LCP1: variants seen among roughly 807,000 people sequenced by gnomAD.
The protein encoded by LCP1 is lymphocyte cytosolic protein 1, also known as plastin-2.
LCP1 carries 23 observed loss-of-function variants against 72.0 expected under a neutral mutation model. The ratio of observed to expected loss-of-function variants is 0.32; its 90% CI spans 0.23 to 0.45. The LOEUF (loss-of-function observed/expected upper bound fraction) is 0.45. Among genes scored for constraint, LCP1 ranks in the 20% least tolerant of loss-of-function variants. The pLI, the probability that LCP1 is intolerant of heterozygous loss-of-function variation, is 1.00. For missense variants in LCP1, 571 were observed against 748.3 expected, an observed-to-expected ratio of 0.76 and a Z score of 2.76; for synonymous variants, 245 against 275.4, an observed-to-expected ratio of 0.89 and a Z score of 1.09.
intron 1 of LCP1, among the ~76,000 whole-genome samples, chr13:46,162,698 T>C (rs1394757427): frequency 6.6e-6 from 1 of 152,124 alleles, no homozygotes; most frequent in Non-Finnish European, 1.5e-5. Context: ...AGTGCCGAGA[T>C]TGCAGCCTCT....
At position 46,127,276 on chromosome 13, in the gene LCP1, G is replaced by T; in HGVS notation, c.*315C>A. On this transcript the variant is annotated 3_prime_UTR_variant, in exon 16 of 16. Coordinates refer to ENST00000323076, the MANE Select transcript of LCP1 (RefSeq NM_002298.5). Reference sequence around the variant, plus strand: ...AGATTATATCAAAATTAATACCACTGCAGCTTCTATCCTTGGCTAATGGCA... The same window carrying T: ...AGATTATATCAAAATTAATACCACTTCAGCTTCTATCCTTGGCTAATGGCA... 3.4e-6 allele frequency: 1 copy of T among 293,846 alleles called. No homozygotes were observed. Among genetic ancestry groups the T allele is most frequent in the Non-Finnish European group, 6.4e-6 (1 of 156,902 alleles). 18.2% of individuals were successfully genotyped at this position (293,846 alleles called of 1,614,324 possible).
chr13:46,152,154 C>A (rs994268404), intron 7 of LCP1, among the ~76,000 whole-genome samples: 1 of 152,088 alleles, frequency 6.6e-6, no homozygotes, highest in African/African-American at 2.4e-5. Context: ...CATATCGTTA[C>A]CTTTCTTTTT....
At chr13:46,181,733 CA>C (rs2045956890) in intron 1 of LCP1, among the ~76,000 whole-genome samples, 2 of 152,206 alleles carry the variant, frequency 1.3e-5, no homozygotes, top group African/African-American at 2.4e-5. Flanking sequence ...TCTAAATTAT[CA>C]ATACGCGCTT....
chr13:46,174,135 A>G (rs2045916793), intron 1 of LCP1, among the ~76,000 whole-genome samples: 1 of 152,240 alleles, frequency 6.6e-6, no homozygotes, highest in Non-Finnish European at 1.5e-5. Context: ...ACAAGCAATG[A>G]TAACAGAAAC....
chr13:46,134,393 CAT>C, intron 13 of LCP1, 143 bp from the exon 14 acceptor site: 1 of 654,390 alleles, frequency 1.5e-6, no homozygotes, highest in Non-Finnish European at 2.5e-6. Context: ...AAAAAAAGAA[CAT>C]ATTACAACAT....
intron 7 of LCP1, 118 bp from the exon 8 acceptor site, chr13:46,151,196 G>A (rs1299542791): frequency 7.4e-6 from 7 of 950,594 alleles, no homozygotes; most frequent in Non-Finnish European, 9.1e-6. Context: ...ACCTCTTTGG[G>A]GTAAAGGTTC....
At chr13:46,133,310 A>G (rs2045644508) in intron 14 of LCP1, among the ~76,000 whole-genome samples, 1 of 152,310 alleles carries the variant, frequency 6.6e-6, no homozygotes, top group East Asian at 1.9e-4. Flanking sequence ...GGAACTAAGC[A>G]CTGAGTACAC....
At chr13:46,160,564 TG>T (rs1190878294) in intron 1 of LCP1, among the ~76,000 whole-genome samples, 1 of 152,220 alleles carries the variant, frequency 6.6e-6, no homozygotes, top group Non-Finnish European at 1.5e-5. Flanking sequence ...AATTCAGCTA[TG>T]GGAATCTGAG....
intron 1 of LCP1, among the ~76,000 whole-genome samples, chr13:46,162,693 C>T (rs373097858): frequency 6.6e-5 from 10 of 152,110 alleles, no homozygotes; most frequent in Non-Finnish European, 1.3e-4. Flanking sequence ...CCCAAAGTGC[C>T]GAGATTGCAG....
At chr13:46,146,648 G>A (rs1245247720) in intron 10 of LCP1, among the ~76,000 whole-genome samples, 1 of 152,170 alleles carries the variant, frequency 6.6e-6, no homozygotes, top group Non-Finnish European at 1.5e-5. Flanking sequence ...ATAACTAAAT[G>A]CATTATCTTT....
intron 1 of LCP1, 103 bp from the exon 2 acceptor site, chr13:46,159,789 T>A: frequency 1.4e-6 from 1 of 692,914 alleles, no homozygotes; most frequent in Admixed American, 2.5e-5. Flanking sequence ...AATATTCTTC[T>A]GCATCCCCCA....
At chr13:46,179,757 G>A (rs1277740251) in intron 1 of LCP1, among the ~76,000 whole-genome samples, 1 of 152,062 alleles carries the variant, frequency 6.6e-6, no homozygotes, top group South Asian at 2.1e-4. Flanking sequence ...TGGCGGGGGA[G>A]GGGATGGGGT....
Position 46,127,545 on chromosome 13 carries a change from G to C in LCP1, c.*46C>G. The C allele has an allele frequency of 6.2e-7, 1 of 1,609,874 alleles. No homozygotes were observed. Among genetic ancestry groups the C allele is most frequent in the East Asian group, 2.2e-5 (1 of 44,816 alleles). On this transcript the variant is annotated 3_prime_UTR_variant, in exon 16 of 16. Coordinates refer to ENST00000323076, the MANE Select transcript of LCP1 (RefSeq NM_002298.5). ...ATCATCCCTGGAGCATCTGTGCCGG[G>C]CAGTCAGGAGTGAGTGCACCGCCTC... is the stretch of plus-strand genomic sequence containing the variant.
intron 1 of LCP1, among the ~76,000 whole-genome samples, chr13:46,174,139 C>G (rs1465543361): frequency 6.6e-6 from 1 of 152,168 alleles, no homozygotes; most frequent in African/African-American, 2.4e-5. Flanking sequence ...GCAATGATAA[C>G]AGAAACTTCT....
At chr13:46,167,627 G>A (rs1292121869) in intron 1 of LCP1, among the ~76,000 whole-genome samples, 1 of 152,274 alleles carries the variant, frequency 6.6e-6, no homozygotes, top group African/African-American at 2.4e-5. Context: ...TTAAGATCCA[G>A]ACTTTCCCCT....
chr13:46,131,461 C>T (rs754985067), intron 14 of LCP1, among the ~76,000 whole-genome samples: 4 of 152,160 alleles, frequency 2.6e-5, no homozygotes, highest in Admixed American at 1.3e-4. Context: ...TCTCAAAGAA[C>T]TAAAAATAAA....
At chr13:46,128,536 T>TC (rs2045614835) in intron 15 of LCP1, among the ~76,000 whole-genome samples, 1 of 151,908 alleles carries the variant, frequency 6.6e-6, no homozygotes, top group Non-Finnish European at 1.5e-5. Context: ...AGGCGGAGGC[T>TC]GCAGTGAGCC....
At chr13:46,171,810 A>G (rs1396345254) in intron 1 of LCP1, among the ~76,000 whole-genome samples, 1 of 152,390 alleles carries the variant, frequency 6.6e-6, no homozygotes, top group Non-Finnish European at 1.5e-5. Context: ...ACAGGTTTCA[A>G]TGGTGTGCGT....
intron 1 of LCP1, among the ~76,000 whole-genome samples, chr13:46,175,517 CTGGTACTGGAGATA>C (rs1214956257): frequency 6.6e-6 from 1 of 152,116 alleles, no homozygotes; most frequent in Non-Finnish European, 1.5e-5. Flanking sequence ...CTTTAAAGAA[CTGGTACTGGAGATA>C]TGGTACTGGA....
Sources: gnomAD v4.1 joint callset for allele counts (sites outside exome capture counted in the v4.1 genomes callset) on GRCh38, gnomAD v4.1.1 for gene constraint, MANE v1.5 for transcripts, NCBI Gene and HGNC (gene_info 2026-07-23, HGNC 2026-07-21) for gene names.